The following TIGIT variants were observed in gnomAD, a reference collection of about 807,000 sequenced individuals.
TIGIT encodes the protein T-cell immunoreceptor with Ig and ITIM domains.
Under a neutral mutation model 19.6 loss-of-function variants are expected in TIGIT, and 11 were observed. That is an observed-to-expected ratio of 0.56 (90% CI 0.35 to 0.93). TIGIT has a LOEUF of 0.93. TIGIT is among the 40% of genes least tolerant of loss of function. The pLI is 0.01. For synonymous variants in TIGIT, 130 were observed against 125.5 expected (o/e 1.04, Z -0.24); for missense variants, 295 against 303.9 (o/e 0.97, Z 0.22).
chr3:114,299,537 T>G, intron 2 of TIGIT, 60 bp from the exon 3 acceptor site: 2 of 1,336,766 alleles, frequency 1.5e-6, no homozygotes, highest in Non-Finnish European at 2.1e-6. Context: ...CAGGCTGCCC[T>G]GGGGAAATCA....
In TIGIT at chr3:114,308,873, G is replaced by T. The variant is rs1467785616; in HGVS notation, c.*742G>T. ...TTGTAGGAAATTCTTGGAGCTGAAA[G>T]TCCCACAAAGAAGGCCCTGGCACCA... On this transcript the variant is annotated 3_prime_UTR_variant, in exon 4 of 4. Coordinates refer to ENST00000383671, the MANE Select transcript of TIGIT (RefSeq NM_173799.4). 1 of 152,230 alleles carries T rather than the reference G, an allele frequency of 6.6e-6. No homozygotes were observed. The highest frequency in any genetic ancestry group is 1.5e-5 in the Non-Finnish European group (1 of 68,064). The allele number at this position is 152,230 out of a possible 1,614,324, so 9.4% of individuals were successfully genotyped here.
chr3:114,295,765 C>T lies in TIGIT; in HGVS notation c.282C>T (p.Thr94=). ...RVAPGPGLGL[T]LQSLTVNDTG... ...CCCCAGGTCCCGGCCTGGGCCTCAC[C>T]CTCCAGTCGCTGACCGTGAACGATA... The change falls in exon 2 of 4, where the codon ACC becomes ACT. Residue 94 remains threonine, a synonymous_variant. Transcript: ENST00000383671. The T allele has an allele frequency of 1.2e-6, 2 of 1,614,152 alleles. No homozygotes were observed. Among genetic ancestry groups the T allele is most frequent in the Non-Finnish European group, 1.7e-6 (2 of 1,180,022 alleles).
intron 3 of TIGIT, 190 bp from the exon 4 acceptor site, chr3:114,307,705 C>T (rs920103435): frequency 1.9e-5 from 11 of 594,590 alleles, no homozygotes; most frequent in East Asian, 8.5e-5. Context: ...GTGCAGTTTC[C>T]ATGGACTAGT....
intron 1 of TIGIT, among the ~76,000 whole-genome samples, 186 bp downstream of exon 1, chr3:114,294,308 G>T (rs2078439803): frequency 6.6e-6 from 1 of 152,184 alleles, no homozygotes; most frequent in South Asian, 2.1e-4. Flanking sequence ...ATGAGGTGGG[G>T]TTCTGTTTTT....
intron 2 of TIGIT, chr3:114,296,075 GT>G: frequency 1.9e-6 from 1 of 531,506 alleles, no homozygotes; most frequent in Non-Finnish European, 3.3e-6. Context: ...CAAGGGTAAG[GT>G]CTAAAAGCAT....
intron 3 of TIGIT, 42 bp downstream of exon 3, chr3:114,299,745 C>G: frequency 7.4e-7 from 1 of 1,348,692 alleles, no homozygotes; most frequent in Non-Finnish European, 1.1e-6. Context: ...GGCACCCCCA[C>G]GTCTGGCACC....
rs568164252 is a variant in TIGIT at position 114,298,325 on chromosome 3, G to A, written c.392-1272G>A. 3.3e-5 allele frequency among the ~76,000 whole-genome samples: 5 copies of A among 152,166 alleles called. No individual in the cohort carries two copies. The East Asian group carries it at 9.7e-4, about 29-fold the overall frequency. On this transcript the variant is annotated intron_variant, in intron 2 of 3. Transcript: ENST00000383671. ...ATCTAATATCCCAAGTTCCACTCTG[G>A]TCCCAATTGTATCTCGAACTTATCC...
chr3:114,302,571 C>T (rs1412396528), intron 3 of TIGIT, among the ~76,000 whole-genome samples: 1 of 152,148 alleles, frequency 6.6e-6, no homozygotes, highest in Non-Finnish European at 1.5e-5. Context: ...GTAATTACAT[C>T]CATTTTGTTT....
At chr3:114,303,246 T>C (rs2078503656) in intron 3 of TIGIT, among the ~76,000 whole-genome samples, 1 of 151,994 alleles carries the variant, frequency 6.6e-6, no homozygotes, top group Non-Finnish European at 1.5e-5. Context: ...ACCCAGTGTG[T>C]AGTCCTTTAT....
At chr3:114,302,578 GT>G (rs978923787) in intron 3 of TIGIT, among the ~76,000 whole-genome samples, 2 of 152,090 alleles carry the variant, frequency 1.3e-5, no homozygotes, top group African/African-American at 4.8e-5. Context: ...CATCCATTTT[GT>G]TTCTTTAAGT....
At chr3:114,294,425 T>C (rs1234289240) in intron 1 of TIGIT, among the ~76,000 whole-genome samples, 5 of 152,118 alleles carry the variant, frequency 3.3e-5, no homozygotes, top group Admixed American at 3.3e-4. Context: ...GCATTGCCAG[T>C]TTGCTTTTAG....
intron 3 of TIGIT, among the ~76,000 whole-genome samples, chr3:114,303,619 A>ATG (rs1183678179): frequency 1.5e-5 from 1 of 67,358 alleles, no homozygotes. Context: ...ATACATATAT[A>ATG]TGTATATATA....
At chr3:114,305,864 G>GATA (rs2078531000) in intron 3 of TIGIT, among the ~76,000 whole-genome samples, 30 of 145,152 alleles carry the variant, frequency 2.1e-4, no homozygotes, top group Non-Finnish European at 2.7e-4. Context: ...ATGGATGGAT[G>GATA]GATAGATAGA....
chr3:114,295,962 A>T, intron 2 of TIGIT, 88 bp downstream of exon 2: 1 of 1,091,034 alleles, frequency 9.2e-7, no homozygotes, highest in Non-Finnish European at 1.3e-6. Context: ...AGGGCTTCTC[A>T]ATTCGGGATC....
In TIGIT at chr3:114,308,976, TAGAC is replaced by T. The variant is rs1463160343; in HGVS notation, c.*848_*851del. ...CTTTTGCTGTGACATACTCATCCAT[TAGAC>T]AGCCTGATACAGGCCTGTAGCCTCT... On this transcript the variant is annotated 3_prime_UTR_variant, in exon 4 of 4. Coordinates refer to ENST00000383671, the MANE Select transcript of TIGIT (RefSeq NM_173799.4). 2 of 152,246 alleles carry T rather than the reference TAGAC, an allele frequency of 1.3e-5. No homozygotes were observed. The highest frequency in any genetic ancestry group is 4.8e-5 in the African/African-American group (2 of 41,458). 9.4% of individuals were successfully genotyped at this position (152,246 alleles called of 1,614,324 possible).
chr3:114,296,065 C>T, intron 2 of TIGIT, 191 bp downstream of exon 2: 1 of 563,822 alleles, frequency 1.8e-6, no homozygotes, highest in Non-Finnish European at 3.1e-6. Flanking sequence ...CAGAGCTAAA[C>T]AAGGGTAAGG....
chr3:114,294,098 C>T lies in TIGIT; in HGVS notation c.37C>T (p.Leu13=), dbSNP rs144225399. The change falls in exon 1 of 4, where the codon CTG becomes TTG. Residue 13 remains leucine, a synonymous_variant. Transcript: ENST00000383671. Reference sequence around the variant, plus strand: ...TCTCCTCCTGATCTGGGCCCAGGGGCTGAGGCAGGCTCCCCTCGCCTCAGG... The same window carrying T: ...TCTCCTCCTGATCTGGGCCCAGGGGTTGAGGCAGGCTCCCCTCGCCTCAGG... ...WCLLLIWAQG[L]RQAPLASGMM... is the part of the protein sequence containing the mutation. 1.4e-4 allele frequency: 216 copies of T among 1,555,002 alleles called. 1 individual carries two copies. The African/African-American group carries it at 2.6e-3, about 19-fold the overall frequency.
intron 3 of TIGIT, among the ~76,000 whole-genome samples, chr3:114,306,865 A>G: frequency 6.6e-6 from 1 of 152,178 alleles, no homozygotes; most frequent in Admixed American, 6.5e-5. Flanking sequence ...ACCCTCCTAT[A>G]TACAGTGGAG....
chr3:114,307,542 A>C, intron 3 of TIGIT: 11 of 222,774 alleles, frequency 4.9e-5, no homozygotes, highest in East Asian at 2.5e-4. Flanking sequence ...GAGTGATGCC[A>C]AAGGATCCAG....
Sources: allele counts gnomAD v4.1 joint callset (sites outside exome capture counted in the v4.1 genomes callset), GRCh38; gene constraint gnomAD v4.1.1; transcripts MANE v1.5; gene names NCBI Gene and HGNC (gene_info 2026-07-23, HGNC 2026-07-21).